Variants in GRIN2B observed in about 807,000 individuals in gnomAD.
GRIN2B encodes the protein glutamate receptor ionotropic, NMDA 2B.
A neutral mutation model predicts 114.5 loss-of-function variants in GRIN2B; 5 were observed. The ratio of observed to expected loss-of-function variants is 0.04; its 90% CI spans 0.02 to 0.09. The LOEUF is 0.09. Ranked by LOEUF, GRIN2B falls within the 10% of genes least tolerant of loss-of-function variation. The pLI, the probability that GRIN2B is intolerant of heterozygous loss-of-function variation, is 1.00. For missense variants in GRIN2B, 1,108 were observed against 1,943.5 expected, an observed-to-expected ratio of 0.57 and a Z score of 8.08; for synonymous variants, 787 against 745.1, an observed-to-expected ratio of 1.06 and a Z score of -0.92.
chr12:13,665,418 G>T lies in GRIN2B; in HGVS notation c.1125+10327C>A, dbSNP rs144802101. Reference sequence around the variant, plus strand: ...ACGTAGTTTTAAAACTCAAGTAGCAGGGTCTGCACATTTCTATAGTGTGAC... The same window carrying T: ...ACGTAGTTTTAAAACTCAAGTAGCATGGTCTGCACATTTCTATAGTGTGAC... On this transcript the variant is annotated intron_variant, in intron 5 of 13. Transcript: ENST00000609686. Among the ~76,000 whole-genome samples the T allele has an allele frequency of 1.3e-4, 20 of 152,222 alleles. No individual in the cohort carries two copies. In the East Asian group the frequency reaches 3.9e-3, roughly 29 times the overall value.
chr12:13,825,138 G>A (rs1290249827), intron 3 of GRIN2B, among the ~76,000 whole-genome samples: 1 of 151,844 alleles, frequency 6.6e-6, no homozygotes, highest in Non-Finnish European at 1.5e-5. Flanking sequence ...TTTTAATTCA[G>A]TCCAAAATAT....
chr12:13,956,493 C>T (rs1188898847), intron 2 of GRIN2B, among the ~76,000 whole-genome samples: 3 of 152,180 alleles, frequency 2.0e-5, no homozygotes, highest in Non-Finnish European at 4.4e-5. Flanking sequence ...GTCACAGCTG[C>T]CCTGAATTCT....
intron 2 of GRIN2B, among the ~76,000 whole-genome samples, chr12:13,933,978 T>C (rs1297288721): frequency 6.6e-6 from 1 of 152,190 alleles, no homozygotes; most frequent in African/African-American, 2.4e-5. Context: ...TTGCTGATTC[T>C]CCTAAAATAT....
intron 2 of GRIN2B, among the ~76,000 whole-genome samples, chr12:13,947,724 G>T (rs79845756): frequency 5.9e-5 from 9 of 152,198 alleles, no homozygotes; most frequent in Admixed American, 1.3e-4. Flanking sequence ...CCCCACCTTT[G>T]GCTGTGGCTC....
chr12:13,688,779 A>G (rs1175410117), intron 4 of GRIN2B, among the ~76,000 whole-genome samples: 2 of 152,188 alleles, frequency 1.3e-5, no homozygotes, highest in Non-Finnish European at 2.9e-5. Context: ...GGACTTAAAA[A>G]TACAATATTA....
intron 2 of GRIN2B, among the ~76,000 whole-genome samples, chr12:13,976,501 CCCAG>C (rs1173953620): frequency 6.6e-6 from 1 of 152,074 alleles, no homozygotes; most frequent in Non-Finnish European, 1.5e-5. Flanking sequence ...TTTTGTCGGC[CCCAG>C]TCTTCAATAT....
Position 13,669,982 on chromosome 12 carries a change from C to T in GRIN2B, c.1125+5763G>A, listed in dbSNP as rs1950008472. 2.6e-5 allele frequency among the ~76,000 whole-genome samples: 4 copies of T among 152,122 alleles called. No homozygotes were observed. In the South Asian group the frequency reaches 6.2e-4, roughly 24 times the overall value. The stretch of plus-strand genomic sequence containing the variant: ...CTTAGCCTGTCTTATTTATTCCAGG[C>T]TGCAGATACTGGCAGAGCATTCTGT... On this transcript the variant is annotated intron_variant, in intron 5 of 13. Transcript: ENST00000609686.
chr12:13,756,082 A>G (rs1368222456), intron 3 of GRIN2B, among the ~76,000 whole-genome samples: 1 of 152,136 alleles, frequency 6.6e-6, no homozygotes, highest in Non-Finnish European at 1.5e-5. Context: ...CAGTGGCACA[A>G]TCTCAGCTCA....
chr12:13,614,835 G>C (rs532987118), intron 8 of GRIN2B, among the ~76,000 whole-genome samples: 1 of 152,326 alleles, frequency 6.6e-6, no homozygotes, highest in Admixed American at 6.5e-5. Flanking sequence ...GTCACATGCT[G>C]ACTAAATGGC....
intron 2 of GRIN2B, among the ~76,000 whole-genome samples, chr12:13,874,979 T>A (rs925687798): frequency 2.0e-5 from 3 of 152,124 alleles, no homozygotes; most frequent in Non-Finnish European, 4.4e-5. Context: ...TAGGTAAACG[T>A]CTGCCATAGT....
chr12:13,564,870 G>T lies in GRIN2B; in HGVS notation c.2599-231C>A, dbSNP rs904665910. On this transcript the variant is annotated intron_variant, in intron 13 of 13. Coordinates refer to ENST00000609686, the MANE Select transcript of GRIN2B (RefSeq NM_000834.5). The surrounding 1 kb of genome is among the most constrained non-coding windows in gnomAD (Gnocchi z 4.8). ...AGTGACCTGGCCATCAGAGGGGGGG[G>T]CATGGCCCCACCCAGTAACTTGAGC... 2.6e-5 allele frequency among the ~76,000 whole-genome samples: 4 copies of T among 152,160 alleles called. No individual in the cohort carries two copies. Among genetic ancestry groups the T allele is most frequent in the Non-Finnish European group, 4.4e-5 (3 of 68,014 alleles).
chr12:13,559,194 T>TTAAGTAAG lies in GRIN2B; in HGVS notation c.*3588_*3589insCTTACTTA, dbSNP rs138204150. 3 of 151,960 alleles carry TTAAGTAAG rather than the reference T, an allele frequency of 2.0e-5. No individual in the cohort carries two copies. The highest frequency in any genetic ancestry group is 4.4e-5 in the Non-Finnish European group (3 of 67,978). The allele number at this position is 151,960 out of a possible 1,614,324, so 9.4% of individuals were successfully genotyped here. On this transcript the variant is annotated 3_prime_UTR_variant, in exon 14 of 14. Transcript: ENST00000609686. ...TTAACAATGCCCAGCCTTCCTTTCT[T>TTAAGTAAG]TAAGTTTTCTTAAGCAGACCATGAG... is the stretch of plus-strand genomic sequence containing the variant.
intron 2 of GRIN2B, 44 bp from the exon 3 acceptor site, chr12:13,866,270 A>G (rs1865827767): frequency 6.5e-7 from 1 of 1,546,890 alleles, no homozygotes; most frequent in Non-Finnish European, 8.8e-7. Flanking sequence ...GATCTACATC[A>G]CGTAACCTGT....
At position 13,950,457 on chromosome 12, in the gene GRIN2B, G is replaced by A. The variant is rs76723992; in HGVS notation, c.-19+29471C>T. Among the ~76,000 whole-genome samples the A allele has an allele frequency of 4.9e-3, 752 of 152,272 alleles. 6 individuals are homozygous for A. Among genetic ancestry groups the A allele is most frequent in the Middle Eastern group, 0.014 (4 of 294 alleles). On this transcript the variant is annotated intron_variant, in intron 2 of 13. Transcript: ENST00000609686. Reference sequence around the variant, plus strand: ...AGTTTATTCCTTATTTGGAAAATAAGGATGATAAGAGTACTTATCTCATTA... The same window carrying A: ...AGTTTATTCCTTATTTGGAAAATAAAGATGATAAGAGTACTTATCTCATTA...
intron 2 of GRIN2B, among the ~76,000 whole-genome samples, chr12:13,897,807 A>G (rs989637858): frequency 6.6e-6 from 1 of 152,098 alleles, no homozygotes; most frequent in Non-Finnish European, 1.5e-5. Flanking sequence ...TGATAGATAT[A>G]TAATGAAAGC....
At chr12:13,752,392 C>T (rs1863497295) in intron 4 of GRIN2B, among the ~76,000 whole-genome samples, 1 of 152,108 alleles carries the variant, frequency 6.6e-6, no homozygotes, top group Admixed American at 6.6e-5. Flanking sequence ...TATAAATGTA[C>T]ATGCATAGAG....
At chr12:13,640,685 C>G (rs1378842869) in intron 5 of GRIN2B, among the ~76,000 whole-genome samples, 2 of 152,152 alleles carry the variant, frequency 1.3e-5, no homozygotes, top group Non-Finnish European at 2.9e-5. Flanking sequence ...AATAACAACA[C>G]TATTAAATAC....
At chr12:13,838,650 G>A (rs1007823981) in intron 3 of GRIN2B, among the ~76,000 whole-genome samples, 3 of 152,040 alleles carry the variant, frequency 2.0e-5, no homozygotes, top group African/African-American at 7.2e-5. Flanking sequence ...AGGATTAATA[G>A]GGTGAAAACA....
chr12:13,797,554 T>C (rs1373987593), intron 3 of GRIN2B, among the ~76,000 whole-genome samples: 1 of 152,152 alleles, frequency 6.6e-6, no homozygotes, highest in Non-Finnish European at 1.5e-5. Flanking sequence ...TAGGACCTGC[T>C]TTGCCATTTT....
Sources: gnomAD v4.1 joint callset for allele counts (sites outside exome capture counted in the v4.1 genomes callset) on GRCh38, gnomAD v4.1.1 for gene constraint, Gnocchi (gnomAD v3.1) non-coding constraint, MANE v1.5 for transcripts, NCBI Gene and HGNC (gene_info 2026-07-23, HGNC 2026-07-21) for gene names.